The following VPS8 variants were observed in gnomAD, a reference collection of about 807,000 sequenced individuals.
VPS8 encodes vacuolar protein sorting-associated protein 8 homolog.
VPS8 carries 129 observed loss-of-function variants against 216.4 expected under a neutral mutation model. That is an observed-to-expected ratio of 0.60 (90% confidence interval 0.52 to 0.69). VPS8 has a LOEUF of 0.69. Among genes scored for constraint, VPS8 ranks in the 30% least tolerant of loss-of-function variants. The probability of loss-of-function intolerance (pLI) is 0.00; values close to 1 mark genes in which losing one functional copy is unlikely to be tolerated. For missense variants in VPS8, 1,531 were observed against 1,683.5 expected (o/e 0.91, Z 1.59); for synonymous variants, 571 against 565.4 (o/e 1.01, Z -0.14).
intron 40 of VPS8, among the ~76,000 whole-genome samples, chr3:184,974,133 T>C (rs1748875923): frequency 6.6e-6 from 1 of 152,176 alleles, no homozygotes; most frequent in Non-Finnish European, 1.5e-5. Context: ...CATACTGTTT[T>C]CCAAAATGGC....
chr3:185,000,711 C>T (rs1332498492), intron 45 of VPS8, among the ~76,000 whole-genome samples: 1 of 151,674 alleles, frequency 6.6e-6, no homozygotes, highest in Admixed American at 6.6e-5. Context: ...TGGGTTCACG[C>T]CATTCTGCCT....
intron 42 of VPS8, among the ~76,000 whole-genome samples, chr3:184,987,416 A>AT (rs55959517): frequency 1.3e-5 from 2 of 150,296 alleles, no homozygotes; most frequent in African/African-American, 4.9e-5. Context: ...GCCCACACTG[A>AT]TTTTTTTTTT....
intron 7 of VPS8, among the ~76,000 whole-genome samples, chr3:184,842,090 A>G (rs894214000): frequency 2.0e-5 from 3 of 149,716 alleles, no homozygotes; most frequent in Admixed American, 1.3e-4. Context: ...TGTTATAAGA[A>G]TATGTGGAAT....
intron 41 of VPS8, 83 bp from the exon 42 acceptor site, chr3:184,982,929 G>A (rs1259626432): frequency 8.2e-7 from 1 of 1,219,802 alleles, no homozygotes; most frequent in East Asian, 2.7e-5. Context: ...CTATATAAAT[G>A]CACTGTTTTT....
rs578028015 is a variant in VPS8, at chr3:185,018,425, G to A, written c.4003-5911G>A. Among the ~76,000 whole-genome samples, 23 of 152,278 alleles carry A rather than the reference G, an allele frequency of 1.5e-4. 1 individual carries two copies. In the South Asian group the frequency reaches 4.8e-3, roughly 32 times the overall value. On this transcript the variant is annotated intron_variant, in intron 45 of 47. Coordinates refer to ENST00000625842, the MANE Select transcript of VPS8 (RefSeq NM_001009921.3). ...CTAAGCTGCTCTGTGGCATCATCCT[G>A]CATGACCACTTGGGCATCTAAACCA...
intron 1 of VPS8, among the ~76,000 whole-genome samples, chr3:184,822,676 C>A (rs970320526): frequency 6.6e-6 from 1 of 152,114 alleles, no homozygotes; most frequent in Non-Finnish European, 1.5e-5. Context: ...ATAATTGCAA[C>A]CCTTTTTGCT....
chr3:184,903,438 T>C (rs1442839875), intron 25 of VPS8, among the ~76,000 whole-genome samples: 1 of 152,180 alleles, frequency 6.6e-6, no homozygotes, highest in African/African-American at 2.4e-5. Context: ...TGTTTTTCTA[T>C]TTTTATCTTT....
chr3:184,870,930 T>G (rs776947792), intron 21 of VPS8, 125 bp downstream of exon 21: 2 of 769,816 alleles, frequency 2.6e-6, no homozygotes, highest in Middle Eastern at 2.4e-4. Context: ...AAACTTTATT[T>G]CAGGGCTTGT....
At chr3:184,865,130 A>T (rs1201646439) in intron 16 of VPS8, among the ~76,000 whole-genome samples, 1 of 152,220 alleles carries the variant, frequency 6.6e-6, no homozygotes, top group Non-Finnish European at 1.5e-5. Flanking sequence ...ATACAAAATG[A>T]AACGCAGGAA....
chr3:184,968,206 G>A (rs1485201703), intron 39 of VPS8, among the ~76,000 whole-genome samples: 1 of 152,204 alleles, frequency 6.6e-6, no homozygotes, highest in Non-Finnish European at 1.5e-5. Context: ...TGTAGCATGT[G>A]TCAGAATTTT....
chr3:185,045,536 C>T (rs758628309), intron 46 of VPS8, among the ~76,000 whole-genome samples: 7 of 151,956 alleles, frequency 4.6e-5, no homozygotes, highest in Non-Finnish European at 2.9e-5. Context: ...TTTGGGAGGC[C>T]GAGGCAGGTG....
At chr3:184,905,543 T>C (rs1735335533) in intron 25 of VPS8, among the ~76,000 whole-genome samples, 1 of 152,090 alleles carries the variant, frequency 6.6e-6, no homozygotes, top group African/African-American at 2.4e-5. Flanking sequence ...CAATTTTGAT[T>C]TCATGCATTC....
At chr3:184,870,634 G>T in intron 20 of VPS8, 82 bp from the exon 21 acceptor site, 1 of 990,760 alleles carries the variant, frequency 1.0e-6, no homozygotes, top group Non-Finnish European at 1.5e-6. Flanking sequence ...TTCTAATTAT[G>T]TATTATTTAG....
At chr3:185,012,369 TAAATA>T (rs1026939425) in intron 45 of VPS8, among the ~76,000 whole-genome samples, 5 of 147,790 alleles carry the variant, frequency 3.4e-5, no homozygotes, top group Non-Finnish European at 7.5e-5. Context: ...ATGATAAACA[TAAATA>T]TAATATACAA....
intron 3 of VPS8, among the ~76,000 whole-genome samples, chr3:184,827,692 A>G (rs942934818): frequency 6.6e-6 from 1 of 152,234 alleles, no homozygotes; most frequent in Non-Finnish European, 1.5e-5. Flanking sequence ...CCTGCACAAC[A>G]ACTTTCTTAT....
chr3:184,894,508 G>GTATATATATATATATATATATATATATA (rs756172890), intron 22 of VPS8, among the ~76,000 whole-genome samples, 195 bp from the exon 23 acceptor site: 1 of 133,126 alleles, frequency 7.5e-6, no homozygotes. Flanking sequence ...ATATACACAC[G>GTATATATATATATATATATATATATATA]TATATATATA....
intron 45 of VPS8, among the ~76,000 whole-genome samples, chr3:185,007,162 C>T (rs1028296333): frequency 4.6e-5 from 7 of 152,224 alleles, no homozygotes; most frequent in African/African-American, 1.4e-4. Context: ...AAATTACTTT[C>T]TTTCCTTATC....
chr3:184,987,711 G>C (rs1241678501), intron 42 of VPS8, among the ~76,000 whole-genome samples: 1 of 152,118 alleles, frequency 6.6e-6, no homozygotes, highest in African/African-American at 2.4e-5. Context: ...CAGGCTTTTT[G>C]TGTGGACTTA....
chr3:184,839,855 C>T (rs1721793556), intron 7 of VPS8, 103 bp downstream of exon 7: 7 of 1,452,618 alleles, frequency 4.8e-6, no homozygotes, highest in Non-Finnish European at 5.4e-6. Context: ...TTTTCTTGAA[C>T]AAAACCAGAA....
Sources: gnomAD v4.1 joint callset for allele counts (sites outside exome capture counted in the v4.1 genomes callset) on GRCh38, gnomAD v4.1.1 for gene constraint, MANE v1.5 for transcripts, NCBI Gene and HGNC (gene_info 2026-07-23, HGNC 2026-07-21) for gene names.